The following USP15 variants were observed in gnomAD, a reference collection of about 807,000 sequenced individuals.
USP15 encodes the protein ubiquitin carboxyl-terminal hydrolase 15.
Under a neutral mutation model 127.1 loss-of-function variants are expected in USP15, and 18 were observed. The observed-to-expected ratio is 0.14, with a 90% CI of 0.10 to 0.21. The LOEUF is 0.21. Ranked by LOEUF, USP15 falls within the 10% of genes least tolerant of loss-of-function variation. The pLI is 1.00. For missense variants in USP15, 805 were observed against 1,159.9 expected (o/e 0.69, Z 4.44); for synonymous variants, 364 against 393.7 (o/e 0.92, Z 0.89).
chr12:62,302,928 TTAA>T lies in USP15; in HGVS notation c.348+15_348+17del, dbSNP rs770370064. On this transcript the variant is annotated intron_variant, in intron 3 of 21. Transcript: ENST00000280377. ...GAGCCAATAGCACGAAAGGTACATTTTAATAATAACTGACTATAAATATTATTT... is the reference window on the plus strand; with the variant it reads ...GAGCCAATAGCACGAAAGGTACATTTTAATAACTGACTATAAATATTATTT... The T allele has an allele frequency of 9.9e-6, 16 of 1,608,050 alleles. No individual in the cohort carries two copies. The East Asian group carries it at 1.8e-4, about 18-fold the overall frequency.
At chr12:62,346,013 A>G (rs1486253707) in intron 6 of USP15, among the ~76,000 whole-genome samples, 1 of 152,180 alleles carries the variant, frequency 6.6e-6, no homozygotes, top group Non-Finnish European at 1.5e-5. Flanking sequence ...GAATCAAACC[A>G]TATCAATAGT....
intron 1 of USP15, among the ~76,000 whole-genome samples, chr12:62,268,281 G>T (rs2063247913): frequency 6.6e-6 from 1 of 152,044 alleles, no homozygotes; most frequent in Non-Finnish European, 1.5e-5. Flanking sequence ...CTAACTTAAA[G>T]CTTGCATTTT....
At chr12:62,362,290 A>G (rs771739726) in intron 8 of USP15, among the ~76,000 whole-genome samples, 21 of 152,134 alleles carry the variant, frequency 1.4e-4, no homozygotes, top group African/African-American at 3.4e-4. Context: ...GTATAGTAAC[A>G]TTAAGTATAT....
At chr12:62,268,817 A>T (rs1026792947) in intron 1 of USP15, among the ~76,000 whole-genome samples, 2 of 152,132 alleles carry the variant, frequency 1.3e-5, no homozygotes, top group African/African-American at 4.8e-5. Context: ...GGGTTTTAGT[A>T]TACTCGAAAG....
At chr12:62,316,055 C>T (rs576816976) in intron 4 of USP15, among the ~76,000 whole-genome samples, 8 of 152,132 alleles carry the variant, frequency 5.3e-5, no homozygotes, top group Admixed American at 4.6e-4. Context: ...GAGGCTCAGG[C>T]GGGTGGATCG....
At chr12:62,394,358 G>A (rs1302483920) in intron 19 of USP15, among the ~76,000 whole-genome samples, 1 of 152,124 alleles carries the variant, frequency 6.6e-6, no homozygotes, top group Non-Finnish European at 1.5e-5. Flanking sequence ...AAAGGCAGGT[G>A]TATCTATAAA....
chr12:62,323,863 ATAATT>A (rs1465058043), intron 5 of USP15, among the ~76,000 whole-genome samples: 4 of 152,156 alleles, frequency 2.6e-5, no homozygotes, highest in African/African-American at 4.8e-5. Context: ...AGATGAGAAA[ATAATT>A]TAATAAGATT....
chr12:62,406,351 T>TA lies in USP15; in HGVS notation c.*1977dup, dbSNP rs1478257651. ...CAATCACTGTTGTAGAGTCTGGAGA[T>TA]ACAGCAGTAAACAAATATCCTTACC... is the stretch of plus-strand genomic sequence containing the variant. On this transcript the variant is annotated 3_prime_UTR_variant, in exon 22 of 22. Coordinates refer to ENST00000280377, the MANE Select transcript of USP15 (RefSeq NM_001252078.2). 2.0e-5 allele frequency: 3 copies of TA among 152,214 alleles called. No individual in the cohort carries two copies. Among genetic ancestry groups the TA allele is most frequent in the African/African-American group, 4.8e-5 (2 of 41,458 alleles). 9.4% of individuals were successfully genotyped at this position (152,214 alleles called of 1,614,324 possible). A position where few individuals can be genotyped will look rare whatever the true frequency, so the allele number is the denominator to read the frequency against.
At chr12:62,347,924 T>C (rs1344351345) in intron 6 of USP15, among the ~76,000 whole-genome samples, 2 of 152,158 alleles carry the variant, frequency 1.3e-5, no homozygotes, top group Non-Finnish European at 1.5e-5. Context: ...TTAGGCCTGG[T>C]GCAGCCTGTA....
chr12:62,365,491 A>G (rs2066447591), intron 8 of USP15, among the ~76,000 whole-genome samples: 1 of 152,076 alleles, frequency 6.6e-6, no homozygotes, highest in Admixed American at 6.6e-5. Flanking sequence ...ATTTTCTCCC[A>G]TTCTGTAGGT....
intron 3 of USP15, among the ~76,000 whole-genome samples, chr12:62,306,653 G>A (rs2064490900): frequency 7.0e-6 from 1 of 142,498 alleles, no homozygotes; most frequent in Non-Finnish European, 1.5e-5. Flanking sequence ...TGAGAGAAGA[G>A]AAATACACTA....
At position 62,413,845 on chromosome 12, in the gene USP15, T is replaced by C. The variant is rs1216638147; in HGVS notation, c.*9470T>C. The C allele has an allele frequency of 6.6e-6, 1 of 152,266 alleles. No homozygotes were observed. The highest frequency in any genetic ancestry group is 1.5e-5 in the Non-Finnish European group (1 of 68,052). 9.4% of individuals were successfully genotyped at this position (152,266 alleles called of 1,614,324 possible). A position where few individuals can be genotyped will look rare whatever the true frequency, so the allele number is the denominator to read the frequency against. On this transcript the variant is annotated 3_prime_UTR_variant, in exon 22 of 22. Coordinates refer to ENST00000280377, the MANE Select transcript of USP15 (RefSeq NM_001252078.2). ...ACTTGGCTGTTTGGCTCAAGAGGCCTAGCTTTCAGCTTGCCTTGGCTTTCA... is the reference window on the plus strand; with the variant it reads ...ACTTGGCTGTTTGGCTCAAGAGGCCCAGCTTTCAGCTTGCCTTGGCTTTCA...
At chr12:62,308,607 A>G (rs887028236) in intron 3 of USP15, among the ~76,000 whole-genome samples, 2 of 152,258 alleles carry the variant, frequency 1.3e-5, no homozygotes, top group East Asian at 1.9e-4. Flanking sequence ...CAACAGCTAC[A>G]TGAGTGAGCT....
rs1435923594 is a variant in USP15, at chr12:62,335,127, G to GT, written c.683+9195dup. On this transcript the variant is annotated intron_variant, in intron 6 of 21. Transcript: ENST00000280377. ...GTAAGTGGTTTGATGTCTAGTTAAT[G>GT]TATGATATTCTTAGCACTTTTTTTT... is the stretch of plus-strand genomic sequence containing the variant. 4 of 1,530,276 alleles carry GT rather than the reference G, an allele frequency of 2.6e-6. No homozygotes were observed. The African/African-American group carries it at 5.5e-5, about 21-fold the overall frequency. The allele number at this position is 1,530,276 out of a possible 1,614,324, so 94.8% of individuals were successfully genotyped here. A position where few individuals can be genotyped will look rare whatever the true frequency, so the allele number is the denominator to read the frequency against.
chr12:62,290,247 A>T (rs573924490), intron 1 of USP15, among the ~76,000 whole-genome samples: 3 of 152,204 alleles, frequency 2.0e-5, no homozygotes, highest in African/African-American at 7.2e-5. Flanking sequence ...TGCTGTTTAT[A>T]TCTTTTCTTA....
intron 1 of USP15, among the ~76,000 whole-genome samples, chr12:62,290,511 G>A (rs1260698491): frequency 1.3e-5 from 2 of 152,092 alleles, no homozygotes; most frequent in African/African-American, 2.4e-5. Context: ...TACCACTAAG[G>A]TGAGTTTATT....
intron 3 of USP15, among the ~76,000 whole-genome samples, chr12:62,310,522 G>A (rs1398113124): frequency 2.6e-5 from 4 of 151,784 alleles, no homozygotes; most frequent in African/African-American, 7.2e-5. Flanking sequence ...TTAATATAAC[G>A]ACCTCCGGCT....
chr12:62,403,365 A>T (rs1201206342), intron 21 of USP15, among the ~76,000 whole-genome samples: 4 of 152,074 alleles, frequency 2.6e-5, no homozygotes, highest in Admixed American at 6.6e-5. Flanking sequence ...ATAGTAGGAG[A>T]TCTGAGTAGT....
rs756523770 is a variant in USP15, at chr12:62,383,828, C to T, written c.1090-12C>T. The T allele has an allele frequency of 3.1e-5, 50 of 1,608,096 alleles. No individual in the cohort carries two copies. Among genetic ancestry groups the T allele is most frequent in the Non-Finnish European group, 4.2e-5 (50 of 1,177,408 alleles). On this transcript the variant is annotated splice_polypyrimidine_tract_variant and intron_variant, in intron 9 of 21. Coordinates refer to ENST00000280377, the MANE Select transcript of USP15 (RefSeq NM_001252078.2). ...TCCTAGAACTGATTTGATGGTTTTG[C>T]ATTTCTTACAGACACAGGTAGGACG...
Sources: allele counts gnomAD v4.1 joint callset (sites outside exome capture counted in the v4.1 genomes callset), GRCh38; gene constraint gnomAD v4.1.1; transcripts MANE v1.5; gene names NCBI Gene and HGNC (gene_info 2026-07-23, HGNC 2026-07-21).